The following VPS26B variants were observed in gnomAD, a reference collection of about 807,000 sequenced individuals.
VPS26B encodes the protein vacuolar protein sorting-associated protein 26B.
In VPS26B, 10 loss-of-function variants were observed where a neutral mutation model predicts 33.3. The ratio of observed to expected loss-of-function variants is 0.30; its 90% CI spans 0.19 to 0.51. The LOEUF (loss-of-function observed/expected upper bound fraction) is 0.51. Ranked by LOEUF, VPS26B falls within the 20% of genes least tolerant of loss-of-function variation. The pLI is 0.98. For synonymous variants in VPS26B, 190 were observed against 176.9 expected, an observed-to-expected ratio of 1.07 and a Z score of -0.59; for missense variants, 317 against 452.7, an observed-to-expected ratio of 0.70 and a Z score of 2.72.
chr11:134,229,212 G>A (rs1321150040), intron 1 of VPS26B, among the ~76,000 whole-genome samples: 1 of 152,054 alleles, frequency 6.6e-6, no homozygotes, highest in Admixed American at 6.6e-5. Context: ...TAAATTTTAT[G>A]TAGAGACAGG....
chr11:134,227,732 A>C (rs1156684424), intron 1 of VPS26B, among the ~76,000 whole-genome samples: 2 of 152,230 alleles, frequency 1.3e-5, no homozygotes, highest in African/African-American at 4.8e-5. Context: ...CTACCAAGCA[A>C]GGAAAATAAC....
chr11:134,226,269 G>A (rs560861524), intron 1 of VPS26B, among the ~76,000 whole-genome samples: 1 of 152,256 alleles, frequency 6.6e-6, no homozygotes, highest in African/African-American at 2.4e-5. Flanking sequence ...AGCTGGTCGT[G>A]GTGGTGCTTG....
chr11:134,239,690 C>G, intron 2 of VPS26B: 2 of 405,484 alleles, frequency 4.9e-6, no homozygotes, highest in Non-Finnish European at 9.3e-6. Context: ...GATTGGGGTA[C>G]AAGGCAGAGA....
intron 2 of VPS26B, among the ~76,000 whole-genome samples, chr11:134,238,816 C>T (rs952263707): frequency 4.0e-5 from 6 of 151,798 alleles, no homozygotes; most frequent in Admixed American, 6.6e-5. Flanking sequence ...AGGATGGTCT[C>T]GATCTCCTGA....
At chr11:134,235,757 T>C (rs1241351432) in intron 2 of VPS26B, 1 of 152,264 alleles carries the variant, frequency 6.6e-6, no homozygotes, top group Non-Finnish European at 1.5e-5. Context: ...TTTACTGTTA[T>C]AGTGTTGGAA....
chr11:134,245,782 C>T lies in VPS26B; in HGVS notation c.*192C>T. The T allele has an allele frequency of 2.7e-6, 2 of 741,210 alleles. No homozygotes were observed. Among genetic ancestry groups the T allele is most frequent in the Non-Finnish European group, 2.1e-6 (1 of 472,386 alleles). 45.9% of individuals were successfully genotyped at this position (741,210 alleles called of 1,614,324 possible). On this transcript the variant is annotated 3_prime_UTR_variant, in exon 6 of 6. Coordinates refer to ENST00000281187, the MANE Select transcript of VPS26B (RefSeq NM_052875.5). This position sits in a 1 kb window ranked among gnomAD's most constrained non-coding sequence, Gnocchi z 4.7. ...GGCTTGGGGTGGGAAGCAGTCTCTC[C>T]TTGGGATTCTGCGGCCGATGTGGGA...
intron 3 of VPS26B, among the ~76,000 whole-genome samples, chr11:134,242,266 T>A (rs987308447): frequency 2.6e-5 from 4 of 152,130 alleles, no homozygotes; most frequent in Admixed American, 6.5e-5. Flanking sequence ...TGTGAAACAG[T>A]GGGGAACACT....
chr11:134,241,606 A>G (rs1293578444), intron 3 of VPS26B, among the ~76,000 whole-genome samples: 1 of 152,216 alleles, frequency 6.6e-6, no homozygotes, highest in Non-Finnish European at 1.5e-5. Flanking sequence ...TGTCCTGACC[A>G]TCTGGTGAAG....
In VPS26B at chr11:134,243,308, C is replaced by T. The variant is rs1213432541; in HGVS notation, c.721+14C>T. On this transcript the variant is annotated intron_variant, in intron 4 of 5. Coordinates refer to ENST00000281187, the MANE Select transcript of VPS26B (RefSeq NM_052875.5). ...CACCAGTGCGAGGTGAGACTCCAGG[C>T]CCAGGCCTCGGCTACCACAGCTTTT... 3.1e-6 allele frequency: 5 copies of T among 1,613,188 alleles called. No individual in the cohort carries two copies. Among genetic ancestry groups the T allele is most frequent in the Middle Eastern group, 3.3e-4 (2 of 6,054 alleles).
At chr11:134,238,247 C>G (rs932598648) in intron 2 of VPS26B, among the ~76,000 whole-genome samples, 1 of 151,942 alleles carries the variant, frequency 6.6e-6, no homozygotes, top group African/African-American at 2.4e-5. Flanking sequence ...GAGGAGAGGT[C>G]TTGAGAGGGA....
At chr11:134,234,861 G>A (rs1461714654) in intron 1 of VPS26B, 36 bp from the exon 2 acceptor site, 30 of 1,605,206 alleles carry the variant, frequency 1.9e-5, no homozygotes, top group Non-Finnish European at 2.3e-5. Context: ...CTCAGGGTCT[G>A]ATAAAGGAGG....
intron 2 of VPS26B, among the ~76,000 whole-genome samples, chr11:134,237,871 C>T (rs1256347396): frequency 6.6e-6 from 1 of 152,084 alleles, no homozygotes; most frequent in Non-Finnish European, 1.5e-5. Context: ...GTGCAGAACC[C>T]GCCTTGTGAC....
chr11:134,224,987 A>AGCGGCGGAGCCAGGCAGCCCCGCG lies in VPS26B; in HGVS notation c.-130_-107dup. On this transcript the variant is annotated 5_prime_UTR_variant, in exon 1 of 6. Transcript: ENST00000281187. The stretch of plus-strand genomic sequence containing the variant: ...CCGTCGGCGCCCACTGCCCGGCGGC[A>AGCGGCGGAGCCAGGCAGCCCCGCG]GCGGCGGAGCCAGGCAGCCCCGCGG... The AGCGGCGGAGCCAGGCAGCCCCGCG allele has an allele frequency of 1.5e-6, 1 of 667,390 alleles. No individual in the cohort carries two copies. Among genetic ancestry groups the AGCGGCGGAGCCAGGCAGCCCCGCG allele is most frequent in the Non-Finnish European group, 2.1e-6 (1 of 484,388 alleles). 41.3% of individuals were successfully genotyped at this position (667,390 alleles called of 1,614,324 possible). A position where few individuals can be genotyped will look rare whatever the true frequency, so the allele number is the denominator to read the frequency against.
chr11:134,228,550 C>T lies in VPS26B; in HGVS notation c.223+3205C>T, dbSNP rs554009396. On this transcript the variant is annotated intron_variant, in intron 1 of 5. Coordinates refer to ENST00000281187, the MANE Select transcript of VPS26B (RefSeq NM_052875.5). ...TTAGAATAACCTTTGTAGTTCTATTCGATGTAAAAGGGAGTTTGTGTTCCT... is the reference window on the plus strand; with the variant it reads ...TTAGAATAACCTTTGTAGTTCTATTTGATGTAAAAGGGAGTTTGTGTTCCT... 5.4e-5 allele frequency among the ~76,000 whole-genome samples: 8 copies of T among 148,366 alleles called. No homozygotes were observed. In the East Asian group the frequency reaches 8.3e-4, roughly 15 times the overall value.
rs774675974 is a variant in VPS26B at position 134,244,713 on chromosome 11, T to A, written c.722-225T>A. On this transcript the variant is annotated intron_variant, in intron 4 of 5. Coordinates refer to ENST00000281187, the MANE Select transcript of VPS26B (RefSeq NM_052875.5). The surrounding 1 kb of genome is among the most constrained non-coding windows in gnomAD (Gnocchi z 4.0). ...GCTGTTCCCACTCAGTTGCTCTCTG[T>A]TTTCGAGAAGACATGAGAAGCTGCA... The A allele has an allele frequency of 3.7e-6, 2 of 537,346 alleles. No homozygotes were observed. Among genetic ancestry groups the A allele is most frequent in the South Asian group, 2.7e-5 (1 of 36,496 alleles). 33.3% of individuals were successfully genotyped at this position (537,346 alleles called of 1,614,324 possible).
At chr11:134,241,531 C>T (rs1184347160) in intron 3 of VPS26B, among the ~76,000 whole-genome samples, 1 of 152,184 alleles carries the variant, frequency 6.6e-6, no homozygotes, top group Non-Finnish European at 1.5e-5. Context: ...CCCCCTTTCT[C>T]CTTATAGCCT....
Position 134,234,871 on chromosome 11 carries a change from G to GGC in VPS26B, c.224-24_224-23dup, listed in dbSNP as rs777421622. The GGC allele has an allele frequency of 8.1e-6, 13 of 1,608,392 alleles. No individual in the cohort carries two copies. The South Asian group carries it at 1.4e-4, about 18-fold the overall frequency. Reference sequence around the variant, plus strand: ...TGTAGCTCAGGGTCTGATAAAGGAGGGCGTCGCATCGCTGTCTCTCACCAG... The same window carrying GGC: ...TGTAGCTCAGGGTCTGATAAAGGAGGGCGCGTCGCATCGCTGTCTCTCACCAG... On this transcript the variant is annotated intron_variant, in intron 1 of 5. Transcript: ENST00000281187.
In VPS26B at chr11:134,247,651, T is replaced by A. The variant is rs1335362946; in HGVS notation, c.*2061T>A. ...CTAAATCAAGCAGTGCAACTTGTAATTAAGCAGCTGCAGTGTTTACATGTT... is the reference window on the plus strand; with the variant it reads ...CTAAATCAAGCAGTGCAACTTGTAAATAAGCAGCTGCAGTGTTTACATGTT... On this transcript the variant is annotated 3_prime_UTR_variant, in exon 6 of 6. Coordinates refer to ENST00000281187, the MANE Select transcript of VPS26B (RefSeq NM_052875.5). 1 of 153,164 alleles carries A rather than the reference T, an allele frequency of 6.5e-6. No individual in the cohort carries two copies. Among genetic ancestry groups the A allele is most frequent in the Admixed American group, 6.5e-5 (1 of 15,348 alleles). The allele number at this position is 153,164 out of a possible 1,614,324, so 9.5% of individuals were successfully genotyped here.
At chr11:134,239,590 A>T in intron 2 of VPS26B, 1 of 196,576 alleles carries the variant, frequency 5.1e-6, no homozygotes, top group Non-Finnish European at 1.1e-5. Flanking sequence ...CTTTGCCCCA[A>T]AAGCCAGGAG....
Sources: allele counts gnomAD v4.1 joint callset (sites outside exome capture counted in the v4.1 genomes callset), GRCh38; gene constraint gnomAD v4.1.1; non-coding constraint Gnocchi (gnomAD v3.1); transcripts MANE v1.5; gene names NCBI Gene and HGNC (gene_info 2026-07-23, HGNC 2026-07-21).